SPTAN1: variants seen among roughly 807,000 people sequenced by gnomAD.
The protein encoded by SPTAN1 is spectrin alpha chain, non-erythrocytic 1.
A neutral mutation model predicts 331.3 loss-of-function variants in SPTAN1; 61 were observed. The observed-to-expected ratio is 0.18, with a 90% CI of 0.15 to 0.23. The LOEUF (loss-of-function observed/expected upper bound fraction) is 0.23, where lower values mean the gene tolerates loss of function less well. Among genes scored for constraint, SPTAN1 ranks in the 10% least tolerant of loss-of-function variants. The pLI is 1.00. For synonymous variants in SPTAN1, 1,153 were observed against 1,173.9 expected, an observed-to-expected ratio of 0.98 and a Z score of 0.36; for missense variants, 2,043 against 3,147.9, an observed-to-expected ratio of 0.65 and a Z score of 8.40.
At position 128,632,439 on chromosome 9, in the gene SPTAN1, C is replaced by T; in HGVS notation, c.6968C>T (p.Thr2323Ile). The T allele has an allele frequency of 6.2e-7, 1 of 1,614,172 alleles. No homozygotes were observed. Among genetic ancestry groups the T allele is most frequent in the Non-Finnish European group, 8.5e-7 (1 of 1,180,022 alleles). Residue 2323 changes from threonine to isoleucine, a missense_variant, in exon 54 of 57, where the codon ACA becomes ATA. Transcript: ENST00000372739. ...LEQQIQARNTTGVTEEALKEF... is the reference protein window; with the variant it reads ...LEQQIQARNTIGVTEEALKEF... ...TTCTGTTTTTCTTCCAGGAACACAA[C>T]AGGTGTGACTGAGGAGGCCCTCAAA...
intron 3 of SPTAN1, among the ~76,000 whole-genome samples, chr9:128,572,441 A>G (rs1330052174): frequency 6.7e-6 from 1 of 150,198 alleles, no homozygotes; most frequent in African/African-American, 2.5e-5. Context: ...GCAATGGGAC[A>G]ATGGTTCCAG....
chr9:128,624,445 C>A lies in SPTAN1; in HGVS notation c.5950C>A (p.Leu1984Ile), dbSNP rs1440498629. 1.2e-6 allele frequency: 2 copies of A among 1,613,924 alleles called. No homozygotes were observed. The highest frequency in any genetic ancestry group is 3.3e-5 in the Admixed American group (2 of 60,026). ...KAKLDENSAF[L>I]QFNWKADVVE... is the part of the protein sequence containing the mutation. ...GAAGCTGGATGAGAACTCGGCCTTC[C>A]TTCAGTTCAACTGGAAGGCGGACGT... The change falls in exon 46 of 57, where the codon CTT (leucine) becomes ATT (isoleucine). Residue 1984 changes from leucine to isoleucine, a missense_variant. Leu to Ile is a conservative substitution (Grantham distance 5). Around this residue, in one of 12 missense-constraint regions of SPTAN1, gnomAD observed 323 missense variants for 581.1 expected, o/e 0.56. Coordinates refer to ENST00000372739, the MANE Select transcript of SPTAN1 (RefSeq NM_001130438.3).
At position 128,608,966 on chromosome 9, in the gene SPTAN1, G is replaced by C; in HGVS notation, c.4584G>C (p.Glu1528Asp). Residue 1528 changes from glutamate to aspartate, a missense_variant, in exon 35 of 57, where the codon GAG becomes GAC. Transcript: ENST00000372739. ...AKGDISSRRN[E>D]VLDRWRRLKA... ...GAGACATTTCTAGCCGGCGCAATGA[G>C]GTCTTGGACAGGTGGGTGTCCTGTG... The C allele has an allele frequency of 6.2e-7, 1 of 1,614,226 alleles. No individual in the cohort carries two copies. Among genetic ancestry groups the C allele is most frequent in the Non-Finnish European group, 8.5e-7 (1 of 1,180,044 alleles).
intron 26 of SPTAN1, 130 bp downstream of exon 26, chr9:128,599,116 T>C (rs769855749): frequency 1.9e-4 from 184 of 946,280 alleles, no homozygotes; most frequent in Non-Finnish European, 2.9e-4. Flanking sequence ...TGTGTAAAGA[T>C]TTGTGGAAAA....
At chr9:128,628,283 C>G (rs1049625201) in intron 51 of SPTAN1, 1 of 441,152 alleles carries the variant, frequency 2.3e-6, no homozygotes, top group Non-Finnish European at 4.3e-6. Flanking sequence ...CCACCGGGCT[C>G]TGTTGGGCTC....
chr9:128,584,494 GAA>G lies in SPTAN1; in HGVS notation c.2408_2409del (p.Lys803ArgfsTer11). 6.2e-7 allele frequency: 1 copy of G among 1,614,180 alleles called. No homozygotes were observed. ...AGGATGAGGAGACGTGGATTCGAGA[GAA>G]AGAGCCCATTGCCGCATCTACCAAC... ...VEDEETWIREKEPIAASTNRG... is the reference protein window; with the variant it reads ...VEDEETWIREXEPIAASTNRG... On this transcript the variant is annotated frameshift_variant, in exon 17 of 57. Transcript: ENST00000372739. LOFTEE classifies it high-confidence loss of function.
chr9:128,631,896 G>C, intron 52 of SPTAN1: 1 of 574,014 alleles, frequency 1.7e-6, no homozygotes, highest in South Asian at 2.1e-5. Flanking sequence ...CTGCCCTCTG[G>C]CAGGTCTACC....
chr9:128,608,112 G>T lies in SPTAN1; in HGVS notation c.4345-18G>T. 6.2e-7 allele frequency: 1 copy of T among 1,614,214 alleles called. No individual in the cohort carries two copies. Among genetic ancestry groups the T allele is most frequent in the Non-Finnish European group, 8.5e-7 (1 of 1,180,036 alleles). ...GCTGAAGGGCCTCATTTTCTCACCTGCCTCTTGCCCTCTTTAGCTGTTCCA... is the reference window on the plus strand; with the variant it reads ...GCTGAAGGGCCTCATTTTCTCACCTTCCTCTTGCCCTCTTTAGCTGTTCCA... On this transcript the variant is annotated intron_variant, in intron 33 of 56. Transcript: ENST00000372739.
chr9:128,632,048 A>G, intron 52 of SPTAN1, 79 bp from the exon 53 acceptor site: 2 of 1,481,692 alleles, frequency 1.3e-6, no homozygotes, highest in Non-Finnish European at 1.9e-6. Context: ...AGCAGGAACC[A>G]GAGGGCAGTA....
chr9:128,578,050 G>T, intron 8 of SPTAN1, 60 bp from the exon 9 acceptor site: 1 of 1,596,934 alleles, frequency 6.3e-7, no homozygotes, highest in African/African-American at 1.3e-5. Context: ...CTTTAGGGAG[G>T]CCATTTTCCA....
intron 39 of SPTAN1, among the ~76,000 whole-genome samples, chr9:128,612,902 G>A (rs899842572): frequency 6.6e-6 from 1 of 151,854 alleles, no homozygotes; most frequent in Non-Finnish European, 1.5e-5. Flanking sequence ...TCCAGCCTGG[G>A]CAACAGAGCG....
At chr9:128,555,339 C>A (rs1001551496) in intron 1 of SPTAN1, 2 of 1,288,728 alleles carry the variant, frequency 1.6e-6, no homozygotes, top group African/African-American at 3.0e-5. Context: ...TCTTCCCCCT[C>A]CCTCTTTAGA....
In SPTAN1 at chr9:128,591,482, G is replaced by T; in HGVS notation, c.3012G>T (p.Trp1004Cys). 6.2e-7 allele frequency: 1 copy of T among 1,614,066 alleles called. No individual in the cohort carries two copies. ...LTLLNSTNKD[W>C]WKVEVNDRQG... ...TCTCCCTCTTTTTTCCTTAGGATTG[G>T]TGGAAAGTGGAAGTGAACGATCGTC... Residue 1004 changes from tryptophan (W) to cysteine (C), a missense_variant, in exon 22 of 57, where the codon TGG (tryptophan) becomes TGT (cysteine). Around this residue, in one of 12 missense-constraint regions of SPTAN1, gnomAD observed 1,038 missense variants for 1,531.5 expected, o/e 0.68. Transcript: ENST00000372739.
At chr9:128,621,979 CT>C (rs1857924836) in intron 45 of SPTAN1, 1 of 154,258 alleles carries the variant, frequency 6.5e-6, no homozygotes, top group Non-Finnish European at 1.4e-5. Context: ...CTATGGTTTC[CT>C]GTCACACACA....
intron 22 of SPTAN1, among the ~76,000 whole-genome samples, chr9:128,592,284 T>C (rs1251535462): frequency 6.6e-6 from 1 of 151,766 alleles, no homozygotes; most frequent in Non-Finnish European, 1.5e-5. Flanking sequence ...GTTCTTTTTT[T>C]TTTTTTTTGA....
Position 128,618,103 on chromosome 9 carries a change from T to C in SPTAN1, c.5595T>C (p.Ala1865=). 1 of 1,613,270 alleles carries C rather than the reference T, an allele frequency of 6.2e-7. No homozygotes were observed. Among genetic ancestry groups the C allele is most frequent in the Non-Finnish European group, 8.5e-7 (1 of 1,179,856 alleles). The change falls in exon 43 of 57, where the codon GCT becomes GCC. Residue 1865 remains alanine (A), a synonymous_variant. Coordinates refer to ENST00000372739, the MANE Select transcript of SPTAN1 (RefSeq NM_001130438.3). ...EHWKELKQLA[A]ARGQRLEESL... is the part of the protein sequence containing the mutation. ...GGAAAGAGCTGAAGCAGCTGGCAGC[T>C]GCCCGGTGAGTAGTCAGAGGCAGGA...
rs745580923 is a variant in SPTAN1 at position 128,632,219 on chromosome 9, C to G, written c.6855C>G (p.Asn2285Lys). ...AAMEEALILD[N>K]KYTEHSTVGL... Reference sequence around the variant, plus strand: ...TGGAGGAGGCCCTCATCCTGGACAACAAGTACACGGAGCACAGCACCGTGG... The same window carrying G: ...TGGAGGAGGCCCTCATCCTGGACAAGAAGTACACGGAGCACAGCACCGTGG... Residue 2285 changes from asparagine (N) to lysine (K), a missense_variant, in exon 53 of 57, where the codon AAC becomes AAG. Physicochemically the swap from Asn to Lys is moderately conservative, Grantham distance 94. Coordinates refer to ENST00000372739, the MANE Select transcript of SPTAN1 (RefSeq NM_001130438.3). The G allele has an allele frequency of 6.2e-7, 1 of 1,613,526 alleles. No homozygotes were observed. The highest frequency in any genetic ancestry group is 8.5e-7 in the Non-Finnish European group (1 of 1,180,034).
At chr9:128,588,026 T>TTC (rs1242016030) in intron 20 of SPTAN1, among the ~76,000 whole-genome samples, 1 of 149,920 alleles carries the variant, frequency 6.7e-6, no homozygotes, top group Non-Finnish European at 1.5e-5. Flanking sequence ...TTTTTTTTTT[T>TTC]TTTGAGATGG....
intron 21 of SPTAN1, among the ~76,000 whole-genome samples, chr9:128,590,720 G>A (rs1176013772): frequency 4.0e-5 from 6 of 151,874 alleles, no homozygotes; most frequent in Middle Eastern, 3.4e-3. Context: ...GCGTGGTGGC[G>A]TGCACCTGTA....
Sources: gnomAD v4.1 joint callset for allele counts (sites outside exome capture counted in the v4.1 genomes callset) on GRCh38, gnomAD v4.1.1 for gene constraint, gnomAD v4.1.1 regional missense constraint, MANE v1.5 for transcripts, NCBI Gene and HGNC (gene_info 2026-07-23, HGNC 2026-07-21) for gene names.